STRBP: variants seen among roughly 807,000 people sequenced by gnomAD.
STRBP encodes the protein spermatid perinuclear RNA binding protein.
In STRBP, 13 loss-of-function variants were observed where a neutral mutation model predicts 80.1. That is an observed-to-expected ratio of 0.16 (90% CI 0.11 to 0.26). The LOEUF is 0.26. Ranked by LOEUF, STRBP falls within the 10% of genes least tolerant of loss-of-function variation. The pLI is 1.00. For missense variants in STRBP, 485 were observed against 815.2 expected, an observed-to-expected ratio of 0.59 and a Z score of 4.93; for synonymous variants, 284 against 291.2, an observed-to-expected ratio of 0.98 and a Z score of 0.25.
intron 1 of STRBP, among the ~76,000 whole-genome samples, chr9:123,251,407 C>T (rs1368543022): frequency 6.6e-6 from 1 of 152,128 alleles, no homozygotes; most frequent in Non-Finnish European, 1.5e-5. Context: ...GATTTACTTG[C>T]CAAAGGTCAC....
chr9:123,147,166 G>T, intron 12 of STRBP, 112 bp from the exon 13 acceptor site: 1 of 740,830 alleles, frequency 1.3e-6, no homozygotes, highest in Non-Finnish European at 2.1e-6. Flanking sequence ...TTTTAAATGA[G>T]GATTTCAAAA....
intron 4 of STRBP, among the ~76,000 whole-genome samples, chr9:123,177,312 A>G (rs568728794): frequency 2.1e-4 from 32 of 152,338 alleles, no homozygotes; most frequent in African/African-American, 7.2e-4. Context: ...CATGTCTGTA[A>G]TCCCAGCACT....
intron 1 of STRBP, among the ~76,000 whole-genome samples, chr9:123,262,370 A>G (rs556059101): frequency 6.6e-6 from 1 of 152,346 alleles, no homozygotes; most frequent in African/African-American, 2.4e-5. Context: ...TTAAAATCAT[A>G]AACAAAATGC....
At chr9:123,113,746 T>C (rs1233929790) in intron 3 of STRBP, 1 of 167,132 alleles carries the variant, frequency 6.0e-6, no homozygotes, top group African/African-American at 2.4e-5. Context: ...GTCATCTCTA[T>C]AGTCTAAGGG....
intron 1 of STRBP, among the ~76,000 whole-genome samples, chr9:123,237,689 T>G (rs966711678): frequency 5.3e-5 from 8 of 152,076 alleles, no homozygotes; most frequent in Non-Finnish European, 1.0e-4. Context: ...TACTGTGCGC[T>G]GAATTCTGGG....
chr9:123,120,601 G>A (rs1588436891), downstream of STRBP, among the ~76,000 whole-genome samples: 1 of 151,752 alleles, frequency 6.6e-6, no homozygotes, highest in East Asian at 1.9e-4. Context: ...TAGGAAACAG[G>A]GAAATTATGG....
chr9:123,243,244 A>T (rs529595323), intron 1 of STRBP, among the ~76,000 whole-genome samples: 7 of 145,904 alleles, frequency 4.8e-5, no homozygotes, highest in Non-Finnish European at 1.1e-4. Flanking sequence ...ATGCAGCTAG[A>T]GGAATTAGAC....
At chr9:123,168,309 A>C in intron 6 of STRBP, 2 of 773,858 alleles carry the variant, frequency 2.6e-6, no homozygotes, top group Non-Finnish European at 3.1e-6. Flanking sequence ...GGTGCTATAG[A>C]TACTACATAC....
At chr9:123,192,070 T>C (rs10985900) in intron 2 of STRBP, among the ~76,000 whole-genome samples, 9,269 of 152,232 alleles carry the variant, frequency 0.061, 332 homozygotes, top group Non-Finnish European at 0.068. Context: ...TTTAAGGTTA[T>C]TGGCCTGAGC....
chr9:123,117,455 G>A (rs2035664187), downstream of STRBP, among the ~76,000 whole-genome samples: 1 of 152,174 alleles, frequency 6.6e-6, no homozygotes, highest in Admixed American at 6.5e-5. Flanking sequence ...CAACAGGGTG[G>A]TTCACAGGCA....
chr9:123,151,712 A>G (rs1300221449), intron 11 of STRBP, among the ~76,000 whole-genome samples: 1 of 152,212 alleles, frequency 6.6e-6, no homozygotes, highest in African/African-American at 2.4e-5. Context: ...TACCATCTTA[A>G]TAGTATATAA....
rs1396819839 is a variant in STRBP, at chr9:123,194,736, C to T, written c.-164-10438G>A. Among the ~76,000 whole-genome samples the T allele has an allele frequency of 3.3e-5, 5 of 152,084 alleles. No individual in the cohort carries two copies. In the East Asian group the frequency reaches 9.7e-4, roughly 30 times the overall value. The stretch of plus-strand genomic sequence containing the variant: ...TTTAATGCTGTGAATAATTCTCAGT[C>T]CTCCTCTTAGTTGACTTCTCAGCAA... On this transcript the variant is annotated intron_variant, in intron 2 of 18. Transcript: ENST00000348403.
chr9:123,155,453 T>C (rs1391157826), intron 11 of STRBP, among the ~76,000 whole-genome samples: 1 of 152,024 alleles, frequency 6.6e-6, no homozygotes, highest in Admixed American at 6.6e-5. Context: ...TTCAACCAGT[T>C]AGAATTTTGC....
At chr9:123,230,814 C>CT (rs1452470530) in intron 2 of STRBP, among the ~76,000 whole-genome samples, 1 of 152,156 alleles carries the variant, frequency 6.6e-6, no homozygotes, top group African/African-American at 2.4e-5. Flanking sequence ...CTTCCACATA[C>CT]TTTTTTCAAG....
chr9:123,206,612 A>ATAATAAGAT (rs901735836), intron 2 of STRBP, among the ~76,000 whole-genome samples: 1 of 152,056 alleles, frequency 6.6e-6, no homozygotes, highest in African/African-American at 2.4e-5. Flanking sequence ...GAACATTTCC[A>ATAATAAGAT]TAATAAGATT....
rs2040179124 is a variant in STRBP at position 123,224,684 on chromosome 9, T to C, written c.-165+12146A>G. 2.0e-5 allele frequency among the ~76,000 whole-genome samples: 3 copies of C among 152,204 alleles called. No homozygotes were observed. In the South Asian group the frequency reaches 6.2e-4, roughly 32 times the overall value. On this transcript the variant is annotated intron_variant, in intron 2 of 18. Transcript: ENST00000348403. ...ATTAGGTAGACTCAAACAAGTACTA[T>C]ACTGGGGTACAAAGTCCTATTGAAA...
rs1325044884 is a variant in STRBP, at chr9:123,187,861, AT to A, written c.-164-3564del. Among the ~76,000 whole-genome samples, 3 of 151,302 alleles carry A rather than the reference AT, an allele frequency of 2.0e-5. No individual in the cohort carries two copies. In the Admixed American group the frequency reaches 2.0e-4, roughly 10 times the overall value. ...ACCACTGATAAACCAATGTTGATAC[AT>A]TATTATTAACTAAAGTTCATAGTTT... On this transcript the variant is annotated intron_variant, in intron 2 of 18. Coordinates refer to ENST00000348403, the MANE Select transcript of STRBP (RefSeq NM_018387.5).
intron 2 of STRBP, among the ~76,000 whole-genome samples, chr9:123,226,286 G>C (rs570713594): frequency 6.6e-6 from 1 of 152,300 alleles, no homozygotes; most frequent in African/African-American, 2.4e-5. Context: ...GATATATCTT[G>C]ATGGTGGTTA....
chr9:123,159,342 A>C (rs2037425156), intron 8 of STRBP, 135 bp from the exon 9 acceptor site: 1 of 538,918 alleles, frequency 1.9e-6, no homozygotes, highest in African/African-American at 1.9e-5. Context: ...CCCACTTAAC[A>C]TTTTCCCCAT....
Sources: gnomAD v4.1 joint callset for allele counts (sites outside exome capture counted in the v4.1 genomes callset) on GRCh38, gnomAD v4.1.1 for gene constraint, MANE v1.5 for transcripts, NCBI Gene and HGNC (gene_info 2026-07-23, HGNC 2026-07-21) for gene names.